The following VDR variants were observed in gnomAD, a reference collection of about 807,000 sequenced individuals.
The protein encoded by VDR is vitamin D receptor.
Under a neutral mutation model 39.7 loss-of-function variants are expected in VDR, and 19 were observed. That is an observed-to-expected ratio of 0.48 (90% confidence interval 0.33 to 0.70). VDR has a LOEUF of 0.70. VDR is among the 30% of genes least tolerant of loss of function. The probability of loss-of-function intolerance (pLI) is 0.02; values close to 1 mark genes in which losing one functional copy is unlikely to be tolerated. For missense variants in VDR, 442 were observed against 570.5 expected, an observed-to-expected ratio of 0.77 and a Z score of 2.29; for synonymous variants, 242 against 215.8, an observed-to-expected ratio of 1.12 and a Z score of -1.07.
intron 6 of VDR, 124 bp downstream of exon 6, chr12:47,857,004 AC>A: frequency 6.9e-7 from 1 of 1,458,994 alleles, no homozygotes; most frequent in South Asian, 1.2e-5. Context: ...TGCATAGCGC[AC>A]AGTATTTATG....
In VDR at chr12:47,842,382, C is replaced by G. The variant is rs572482663; in HGVS notation, c.*2364G>C. On this transcript the variant is annotated 3_prime_UTR_variant, in exon 10 of 10. Transcript: ENST00000549336. ...TTCCCCCAGGGACTGGGTCAGCCAC[C>G]TGGGGAATGAGAGTGGGGGTCTGAG... 8 of 152,350 alleles carry G rather than the reference C, an allele frequency of 5.3e-5. No individual in the cohort carries two copies. Among genetic ancestry groups the G allele is most frequent in the East Asian group, 1.9e-4 (1 of 5,328 alleles). The allele number at this position is 152,350 out of a possible 1,614,324, so 9.4% of individuals were successfully genotyped here.
At chr12:47,848,555 CTTTTTTTTTTTTTT>C (rs1162881183) in intron 7 of VDR, among the ~76,000 whole-genome samples, 6 of 58,116 alleles carry the variant, frequency 1.0e-4, no homozygotes, top group East Asian at 6.5e-4. Context: ...TTTTCTACTC[CTTTTTTTTTTTTTT>C]TTTTTTTTTT....
chr12:47,846,894 A>C, intron 7 of VDR, 86 bp from the exon 8 acceptor site: 2 of 1,525,948 alleles, frequency 1.3e-6, no homozygotes, highest in East Asian at 2.3e-5. Flanking sequence ...ACAGGTATAC[A>C]CCTGCTGGGC....
chr12:47,875,623 G>A (rs1945984198), intron 3 of VDR, among the ~76,000 whole-genome samples: 1 of 152,194 alleles, frequency 6.6e-6, no homozygotes, highest in African/African-American at 2.4e-5. Context: ...TGGAAGAAGA[G>A]GAGAAATGAT....
intron 1 of VDR, among the ~76,000 whole-genome samples, chr12:47,888,053 C>A (rs906311897): frequency 2.6e-5 from 4 of 152,196 alleles, no homozygotes; most frequent in Non-Finnish European, 4.4e-5. Flanking sequence ...ACTGGAATTA[C>A]AATTCCACAT....
At chr12:47,845,906 CAT>C (rs1448328017) in intron 9 of VDR, among the ~76,000 whole-genome samples, 3 of 152,254 alleles carry the variant, frequency 2.0e-5, no homozygotes, top group Non-Finnish European at 2.9e-5. Context: ...GGTCACTGCA[CAT>C]TGCCTCCAAA....
At chr12:47,868,528 G>A (rs1945782537) in intron 3 of VDR, among the ~76,000 whole-genome samples, 1 of 152,214 alleles carries the variant, frequency 6.6e-6, no homozygotes, top group Non-Finnish European at 1.5e-5. Flanking sequence ...CTTTTCTGGA[G>A]GGACAAGAGA....
At chr12:47,867,098 G>A (rs1270962897) in intron 3 of VDR, among the ~76,000 whole-genome samples, 2 of 152,168 alleles carry the variant, frequency 1.3e-5, no homozygotes, top group African/African-American at 4.8e-5. Context: ...GCTCAGGCCT[G>A]TAATCCCAGC....
intron 4 of VDR, among the ~76,000 whole-genome samples, chr12:47,860,309 G>C (rs1354802402): frequency 6.6e-6 from 1 of 152,160 alleles, no homozygotes; most frequent in Non-Finnish European, 1.5e-5. Flanking sequence ...GGCTAGACCG[G>C]AGGGGCTACC....
At chr12:47,870,730 TG>T (rs1476446976) in intron 3 of VDR, among the ~76,000 whole-genome samples, 1 of 152,204 alleles carries the variant, frequency 6.6e-6, no homozygotes, top group East Asian at 1.9e-4. Context: ...CTATCCCCTC[TG>T]GGCTCCATCT....
In VDR at chr12:47,855,865, A is replaced by G. The variant is rs759161895; in HGVS notation, c.584-64T>C. ...TACTTGGACCAGGCCCCCTCCTGCCAGACCCTGCAAAAACCTGGTGTGCCC... is the reference window on the plus strand; with the variant it reads ...TACTTGGACCAGGCCCCCTCCTGCCGGACCCTGCAAAAACCTGGTGTGCCC... On this transcript the variant is annotated intron_variant, in intron 6 of 9. Coordinates refer to ENST00000549336, the MANE Select transcript of VDR (RefSeq NM_000376.3). The G allele has an allele frequency of 1.1e-4, 178 of 1,603,030 alleles. 1 individual carries two copies. Among genetic ancestry groups the G allele is most frequent in the Non-Finnish European group, 1.4e-4 (168 of 1,173,726 alleles).
chr12:47,857,554 C>T lies in VDR; in HGVS notation c.412G>A (p.Ala138Thr), dbSNP rs1326443165. 1.8e-5 allele frequency: 29 copies of T among 1,614,068 alleles called. No individual in the cohort carries two copies. In the Admixed American group the frequency reaches 2.0e-4, roughly 11 times the overall value. ...GTGGGGTCGTAGGTCTTATGGTGGGCGTCCAGCAGTATGGCAATGATGCGC... is the reference window on the plus strand; with the variant it reads ...GTGGGGTCGTAGGTCTTATGGTGGGTGTCCAGCAGTATGGCAATGATGCGC... ...QQRIIAILLD[A>T]HHKTYDPTYS... Residue 138 changes from alanine (A) to threonine (T), a missense_variant, in exon 5 of 10, where the codon GCC becomes ACC. Ala to Thr is a moderately conservative substitution (Grantham distance 58, BLOSUM62 0). Transcript: ENST00000549336.
At chr12:47,889,663 AAGG>A (rs1946326905) in intron 1 of VDR, among the ~76,000 whole-genome samples, 1 of 152,194 alleles carries the variant, frequency 6.6e-6, no homozygotes, top group African/African-American at 2.4e-5. Context: ...TTGATGAGAC[AAGG>A]AGGCTATTTG....
Position 47,842,213 on chromosome 12 carries a change from A to G in VDR, c.*2533T>C, listed in dbSNP as rs1945184241. The G allele has an allele frequency of 6.6e-6, 1 of 152,560 alleles. No homozygotes were observed. 9.5% of individuals were successfully genotyped at this position (152,560 alleles called of 1,614,324 possible). A position where few individuals can be genotyped will look rare whatever the true frequency, so the allele number is the denominator to read the frequency against. ...GTGGAGAGCCCAGCAGGCCAGGGCCACATCGTGGTGGGGTAGGGTCTGATT... is the reference window on the plus strand; with the variant it reads ...GTGGAGAGCCCAGCAGGCCAGGGCCGCATCGTGGTGGGGTAGGGTCTGATT... On this transcript the variant is annotated 3_prime_UTR_variant, in exon 10 of 10. Coordinates refer to ENST00000549336, the MANE Select transcript of VDR (RefSeq NM_000376.3).
At chr12:47,874,087 T>C (rs1945951016) in intron 3 of VDR, among the ~76,000 whole-genome samples, 1 of 152,240 alleles carries the variant, frequency 6.6e-6, no homozygotes, top group Non-Finnish European at 1.5e-5. Flanking sequence ...CTTGCAGCTG[T>C]CTTTCTTGAT....
At chr12:47,883,021 G>C (rs962990147) in intron 1 of VDR, 8 of 460,560 alleles carry the variant, frequency 1.7e-5, no homozygotes, top group Admixed American at 4.2e-5. Flanking sequence ...AGTGGGAAGC[G>C]GTGGCGGCAA....
intron 1 of VDR, among the ~76,000 whole-genome samples, chr12:47,891,896 C>T (rs1208308362): frequency 1.3e-5 from 2 of 151,322 alleles, no homozygotes; most frequent in Non-Finnish European, 3.0e-5. Flanking sequence ...GGCACCACCA[C>T]CACCCACCCC....
rs1945191800 is a variant in VDR, at chr12:47,842,604, T to C, written c.*2142A>G. 1.3e-5 allele frequency: 2 copies of C among 149,646 alleles called. No individual in the cohort carries two copies. Among genetic ancestry groups the C allele is most frequent in the Non-Finnish European group, 3.0e-5 (2 of 67,712 alleles). The allele number at this position is 149,646 out of a possible 1,614,324, so 9.3% of individuals were successfully genotyped here. A position where few individuals can be genotyped will look rare whatever the true frequency, so the allele number is the denominator to read the frequency against. ...TCCTGAGTAGCTGGGATTACAGGCT[T>C]GCGCCACCATGCCCGGCTATTTTTT... On this transcript the variant is annotated 3_prime_UTR_variant, in exon 10 of 10. Coordinates refer to ENST00000549336, the MANE Select transcript of VDR (RefSeq NM_000376.3).
chr12:47,875,140 C>T (rs1221555000), intron 3 of VDR, among the ~76,000 whole-genome samples: 1 of 152,132 alleles, frequency 6.6e-6, no homozygotes, highest in Non-Finnish European at 1.5e-5. Flanking sequence ...AACTGTGATC[C>T]CTCTCTAACC....
Sources: allele counts gnomAD v4.1 joint callset (sites outside exome capture counted in the v4.1 genomes callset), GRCh38; gene constraint gnomAD v4.1.1; transcripts MANE v1.5; gene names NCBI Gene and HGNC (gene_info 2026-07-23, HGNC 2026-07-21).